Variants in MKRN1 observed in about 807,000 individuals in gnomAD.
MKRN1 encodes E3 ubiquitin-protein ligase makorin-1.
In MKRN1, 9 loss-of-function variants were observed where a neutral mutation model predicts 55.5. The ratio of observed to expected loss-of-function variants is 0.16; its 90% CI spans 0.10 to 0.28. The LOEUF is 0.28. MKRN1 is among the 10% of genes least tolerant of loss of function. The pLI is 1.00. For synonymous variants in MKRN1, 253 were observed against 235.9 expected (o/e 1.07, Z -0.66); for missense variants, 488 against 626.7 (o/e 0.78, Z 2.36).
intron 1 of MKRN1, among the ~76,000 whole-genome samples, chr7:140,474,702 C>T (rs961012082): frequency 1.3e-5 from 2 of 150,376 alleles, no homozygotes; most frequent in African/African-American, 5.0e-5. Flanking sequence ...TAAAGAATTT[C>T]TGAAGGATTT....
intron 1 of MKRN1, chr7:140,478,704 G>A (rs1479506675): frequency 6.5e-6 from 1 of 153,182 alleles, no homozygotes; most frequent in Non-Finnish European, 1.5e-5. Context: ...AAGCTCGCTG[G>A]GGCCCTCGGC....
At chr7:140,459,678 ACT>A (rs1418810979) in intron 3 of MKRN1, 27 bp downstream of exon 3, 1 of 1,597,174 alleles carries the variant, frequency 6.3e-7, no homozygotes, top group African/African-American at 1.3e-5. Context: ...CAGCCCTCTA[ACT>A]CTTATTTTCT....
chr7:140,465,549 C>T (rs549462653), intron 2 of MKRN1, among the ~76,000 whole-genome samples: 3 of 145,354 alleles, frequency 2.1e-5, no homozygotes, highest in African/African-American at 8.5e-5. Flanking sequence ...ACTGGGAGTT[C>T]TAATGGCATT....
intron 5 of MKRN1, chr7:140,456,129 GA>G: frequency 1.3e-6 from 1 of 781,144 alleles, no homozygotes; most frequent in Non-Finnish European, 1.7e-6. Flanking sequence ...TTTTTTTTTT[GA>G]AAAATATAAC....
chr7:140,460,076 C>T, intron 2 of MKRN1, 140 bp from the exon 3 acceptor site: 1 of 740,096 alleles, frequency 1.4e-6, no homozygotes, highest in Non-Finnish European at 2.2e-6. Context: ...TGGTGAAAAC[C>T]CGTCACTACC....
In MKRN1 at chr7:140,459,066, T is replaced by A; in HGVS notation, c.712A>T (p.Met238Leu). Residue 238 changes from methionine to leucine, a missense_variant, in exon 4 of 8, where the codon ATG (methionine) becomes TTG (leucine). By Grantham distance (15) the Met-to-Leu change is conservative. Coordinates refer to ENST00000255977, the MANE Select transcript of MKRN1 (RefSeq NM_013446.4). Reference protein sequence around the residue: ...CVYLHGDSCDMCGLQVLHPMD... With the variant: ...CVYLHGDSCDLCGLQVLHPMD... ...GGATGCAGGACCTGCAGCCCACACA[T>A]GTCACAAGAATCTCCGTGGAGATAC... 6.2e-7 allele frequency: 1 copy of A among 1,613,918 alleles called. No homozygotes were observed. The highest frequency in any genetic ancestry group is 8.5e-7 in the Non-Finnish European group (1 of 1,179,840).
At chr7:140,468,060 A>AT (rs1038198468) in intron 2 of MKRN1, among the ~76,000 whole-genome samples, 2 of 144,200 alleles carry the variant, frequency 1.4e-5, no homozygotes, top group Admixed American at 1.4e-4. Flanking sequence ...TTTAACCTTC[A>AT]TTTTTTTCAT....
At chr7:140,474,721 CTTT>C (rs10706027) in intron 1 of MKRN1, among the ~76,000 whole-genome samples, 5 of 139,048 alleles carry the variant, frequency 3.6e-5, no homozygotes, top group Non-Finnish European at 4.7e-5. Context: ...TTCCTTCTTT[CTTT>C]TTTTTTTTTT....
rs1794478059 is a variant in MKRN1 at position 140,456,778 on chromosome 7, A to G, written c.860T>C (p.Val287Ala). 1 of 1,613,684 alleles carries G rather than the reference A, an allele frequency of 6.2e-7. No individual in the cohort carries two copies. The highest frequency in any genetic ancestry group is 8.5e-7 in the Non-Finnish European group (1 of 1,179,872). The change falls in exon 5 of 8, where the codon GTG becomes GCG. Residue 287 changes from valine (V) to alanine (A), a missense_variant. Val to Ala is a moderately conservative substitution (Grantham distance 64). Around this residue, in one of 2 missense-constraint regions of MKRN1, gnomAD observed 278 missense variants for 406.7 expected, o/e 0.68. Coordinates refer to ENST00000255977, the MANE Select transcript of MKRN1 (RefSeq NM_013446.4). Reference protein sequence around the residue: ...KDMVCGICMEVVYEKANPSER... With the variant: ...KDMVCGICMEAVYEKANPSER... The stretch of plus-strand genomic sequence containing the variant: ...ACTGGGGTTGGCTTTCTCATAGACC[A>G]CCTCCATGCAGATCCCACACACCAT...
At position 140,476,307 on chromosome 7, in the gene MKRN1, T is replaced by C. The variant is rs904397319; in HGVS notation, c.185+2853A>G. Among the ~76,000 whole-genome samples, 81 of 152,102 alleles carry C rather than the reference T, an allele frequency of 5.3e-4. 1 individual carries two copies. Among genetic ancestry groups the C allele is most frequent in the African/African-American group, 1.4e-3 (58 of 41,520 alleles). On this transcript the variant is annotated intron_variant, in intron 1 of 7. Transcript: ENST00000255977. ...CGTGCAATGTTTACTTACTGAATGA[T>C]TGAATAAGGTAGTTCCAGAAAAAAT...
chr7:140,459,917 A>G lies in MKRN1; in HGVS notation c.334T>C (p.Leu112=), dbSNP rs745683076. The G allele has an allele frequency of 3.7e-6, 6 of 1,613,840 alleles. No homozygotes were observed. The highest frequency in any genetic ancestry group is 4.2e-6 in the Non-Finnish European group (5 of 1,179,790). Residue 112 remains leucine, a synonymous_variant, in exon 3 of 8, where the codon TTG becomes CTG. Coordinates refer to ENST00000255977, the MANE Select transcript of MKRN1 (RefSeq NM_013446.4). The stretch of plus-strand genomic sequence containing the variant: ...GTAGCAGTTGCTTCTTCCTGTTTCA[A>G]TGGTTTGCTATGTTCATATCTAAGA... The part of the protein sequence containing the change: ...DRCRYEHSKP[L]KQEEATATEL...
chr7:140,465,197 C>T (rs1466542250), intron 2 of MKRN1, among the ~76,000 whole-genome samples: 2 of 152,038 alleles, frequency 1.3e-5, no homozygotes, highest in East Asian at 3.9e-4. Flanking sequence ...AAACTCCAAA[C>T]AAGAAGTCAA....
chr7:140,478,238 A>C (rs1795181336), intron 1 of MKRN1: 1 of 152,240 alleles, frequency 6.6e-6, no homozygotes, highest in Non-Finnish European at 1.5e-5. Flanking sequence ...ACTATTTAAA[A>C]ACCGGAAAAT....
At chr7:140,455,754 G>A (rs775669508) in intron 6 of MKRN1, 36 bp downstream of exon 6, 2 of 1,502,826 alleles carry the variant, frequency 1.3e-6, no homozygotes, top group Non-Finnish European at 1.9e-6. Flanking sequence ...AGCTCTGTTG[G>A]GCTCTTCGCT....
At position 140,472,075 on chromosome 7, in the gene MKRN1, G is replaced by A. The variant is rs535176999; in HGVS notation, c.186-64C>T. The A allele has an allele frequency of 6.3e-6, 10 of 1,595,582 alleles. No homozygotes were observed. The African/African-American group carries it at 1.2e-4, about 19-fold the overall frequency. ...TCCTTGAAAATATTAAAACTAATTAGTATTCATGACTAATATATTCAACCA... is the reference window on the plus strand; with the variant it reads ...TCCTTGAAAATATTAAAACTAATTAATATTCATGACTAATATATTCAACCA... On this transcript the variant is annotated intron_variant, in intron 1 of 7. Coordinates refer to ENST00000255977, the MANE Select transcript of MKRN1 (RefSeq NM_013446.4).
chr7:140,462,773 G>A (rs1464006032), intron 2 of MKRN1, among the ~76,000 whole-genome samples: 2 of 152,136 alleles, frequency 1.3e-5, no homozygotes, highest in South Asian at 2.1e-4. Context: ...GACCATCCTG[G>A]CTAACACGGT....
chr7:140,468,701 C>CA (rs528725182), intron 2 of MKRN1, among the ~76,000 whole-genome samples: 3,541 of 32,040 alleles, frequency 0.11, 395 homozygotes, highest in African/African-American at 0.15. Flanking sequence ...CTCTGTCTCA[C>CA]AAAAAAAAAA....
chr7:140,458,532 T>C (rs1303831968), intron 4 of MKRN1, among the ~76,000 whole-genome samples: 1 of 152,208 alleles, frequency 6.6e-6, no homozygotes, highest in African/African-American at 2.4e-5. Flanking sequence ...CTAATGGGTG[T>C]AGGATGATCA....
chr7:140,472,051 C>G lies in MKRN1; in HGVS notation c.186-40G>C. The G allele has an allele frequency of 2.5e-6, 4 of 1,612,204 alleles. No individual in the cohort carries two copies. In the South Asian group the frequency reaches 4.4e-5, roughly 18 times the overall value. On this transcript the variant is annotated intron_variant, in intron 1 of 7. Transcript: ENST00000255977. ...ACCACAAAACTGGATTAAAACCAATCCTTGAAAATATTAAAACTAATTAGT... is the reference window on the plus strand; with the variant it reads ...ACCACAAAACTGGATTAAAACCAATGCTTGAAAATATTAAAACTAATTAGT...
Sources: gnomAD v4.1 joint callset for allele counts (sites outside exome capture counted in the v4.1 genomes callset) on GRCh38, gnomAD v4.1.1 for gene constraint, gnomAD v4.1.1 regional missense constraint, MANE v1.5 for transcripts, NCBI Gene and HGNC (gene_info 2026-07-23, HGNC 2026-07-21) for gene names.